ZNF608: variants seen among roughly 807,000 people sequenced by gnomAD.
ZNF608 encodes the protein renal carcinoma antigen NY-REN-36.
Under a neutral mutation model 109.0 loss-of-function variants are expected in ZNF608, and 12 were observed. That is an observed-to-expected ratio of 0.11 (90% CI 0.07 to 0.18). The LOEUF (loss-of-function observed/expected upper bound fraction) is 0.18, where lower values mean the gene tolerates loss of function less well. Among genes scored for constraint, ZNF608 ranks in the 10% least tolerant of loss-of-function variants. The pLI, the probability that ZNF608 is intolerant of heterozygous loss-of-function variation, is 1.00. For synonymous variants in ZNF608, 732 were observed against 717.4 expected (o/e 1.02, Z -0.33); for missense variants, 1,707 against 1,879.3 (o/e 0.91, Z 1.70).
intron 2 of ZNF608, among the ~76,000 whole-genome samples, chr5:124,731,669 T>C (rs982998167): frequency 6.6e-6 from 1 of 151,694 alleles, no homozygotes; most frequent in Admixed American, 6.6e-5. Context: ...CAACTAAAAA[T>C]ACAAAAATTA....
At chr5:124,736,819 G>T (rs909497184) in intron 2 of ZNF608, among the ~76,000 whole-genome samples, 1 of 152,186 alleles carries the variant, frequency 6.6e-6, no homozygotes, top group Admixed American at 6.5e-5. Flanking sequence ...GAACTTTGTC[G>T]TCTGTTGCTA....
At chr5:124,681,987 C>T (rs1251360356) in intron 3 of ZNF608, among the ~76,000 whole-genome samples, 1 of 152,196 alleles carries the variant, frequency 6.6e-6, no homozygotes, top group Non-Finnish European at 1.5e-5. Context: ...ATCAATCAAG[C>T]ATGAGGGTAG....
At position 124,744,417 on chromosome 5, in the gene ZNF608, C is replaced by T. The variant is rs1749557072; in HGVS notation, c.573G>A (p.Lys191=). 1 of 1,614,156 alleles carries T rather than the reference C, an allele frequency of 6.2e-7. No individual in the cohort carries two copies. Among genetic ancestry groups the T allele is most frequent in the Admixed American group, 1.7e-5 (1 of 60,014 alleles). The change falls in exon 2 of 10, where the codon AAG becomes AAA. Residue 191 remains lysine, a synonymous_variant. Transcript: ENST00000513986. This position sits in a 1 kb window ranked among gnomAD's most constrained non-coding sequence, Gnocchi z 4.5. ...CTCGGCTGCTCTGGCTTTTACCTGGCTTCTCCTCTTTGCTTTTCCCACAGG... is the reference window on the plus strand; with the variant it reads ...CTCGGCTGCTCTGGCTTTTACCTGGTTTCTCCTCTTTGCTTTTCCCACAGG... The part of the protein sequence containing the change: ...AGSCGKSKEE[K]PGKSQSSRGA...
chr5:124,680,889 A>G (rs533757266), intron 3 of ZNF608, among the ~76,000 whole-genome samples: 1 of 152,130 alleles, frequency 6.6e-6, no homozygotes, highest in East Asian at 1.9e-4. Context: ...TAAAAACTAC[A>G]TGAGGGAAAT....
intron 3 of ZNF608, among the ~76,000 whole-genome samples, chr5:124,683,233 A>G (rs953648551): frequency 6.6e-6 from 1 of 152,238 alleles, no homozygotes; most frequent in Non-Finnish European, 1.5e-5. Context: ...ACCTGCCTAC[A>G]GCCTGATTGA....
chr5:124,713,835 T>C (rs1490427516), intron 2 of ZNF608, among the ~76,000 whole-genome samples: 1 of 152,052 alleles, frequency 6.6e-6, no homozygotes, highest in African/African-American at 2.4e-5. Flanking sequence ...AAAAAGGAAG[T>C]AGGGAGTGGA....
upstream of ZNF608, chr5:124,746,780 G>A: frequency 3.0e-6 from 3 of 984,312 alleles, no homozygotes; most frequent in Non-Finnish European, 3.6e-6. Context: ...TTGATTTCTT[G>A]AACTAACTTA....
At position 124,646,877 on chromosome 5, in the gene ZNF608, T is replaced by C. The variant is rs951377277; in HGVS notation, c.3507A>G (p.Leu1169=). 8.1e-6 allele frequency: 13 copies of C among 1,614,224 alleles called. No individual in the cohort carries two copies. The highest frequency in any genetic ancestry group is 1.1e-5 in the Non-Finnish European group (13 of 1,180,034). The change falls in exon 5 of 10, where the codon CTA becomes CTG. Residue 1169 remains leucine (L), a synonymous_variant. Transcript: ENST00000513986. ...TPEPNKNHSK[L]GPSVPNKTEE... ...CAGTTTTATTAGGCACTGATGGCCC[T>C]AGTTTAGAATGGTTTTTGTTAGGCT...
chr5:124,712,194 C>T (rs1753520737), intron 2 of ZNF608, among the ~76,000 whole-genome samples: 1 of 151,988 alleles, frequency 6.6e-6, no homozygotes, highest in Admixed American at 6.6e-5. Context: ...AGACCTGGCA[C>T]CCGTGGTGGG....
At chr5:124,652,255 T>C (rs1750822412) in intron 3 of ZNF608, among the ~76,000 whole-genome samples, 1 of 152,220 alleles carries the variant, frequency 6.6e-6, no homozygotes, top group Middle Eastern at 3.2e-3. Context: ...CTTATCGAAG[T>C]ACAAGTGATG....
intron 2 of ZNF608, among the ~76,000 whole-genome samples, chr5:124,711,405 A>G (rs1753483427): frequency 6.6e-6 from 1 of 152,252 alleles, no homozygotes; most frequent in Non-Finnish European, 1.5e-5. Flanking sequence ...TAACTTTTTA[A>G]TGAAAAGATG....
rs1445307621 is a variant in ZNF608 at position 124,648,815 on chromosome 5, G to T, written c.1569C>A (p.Val523=). 1 of 1,614,200 alleles carries T rather than the reference G, an allele frequency of 6.2e-7. No homozygotes were observed. The highest frequency in any genetic ancestry group is 1.1e-5 in the South Asian group (1 of 91,082). Residue 523 remains valine, a synonymous_variant, in exon 5 of 10, where the codon GTC becomes GTA. Coordinates refer to ENST00000513986, the MANE Select transcript of ZNF608 (RefSeq NM_020747.3). ...SSEDNKPGKR[V]RTNSRSTPTT... Reference sequence around the variant, plus strand: ...TGGGAGTGCTTCTGGAATTTGTGCGGACACGCTTTCCAGGCTTATTGTCCT... The same window carrying T: ...TGGGAGTGCTTCTGGAATTTGTGCGTACACGCTTTCCAGGCTTATTGTCCT...
At chr5:124,716,103 A>G (rs1278469588) in intron 2 of ZNF608, among the ~76,000 whole-genome samples, 4 of 147,084 alleles carry the variant, frequency 2.7e-5, no homozygotes, top group Non-Finnish European at 4.5e-5. Flanking sequence ...AGATCGCGCC[A>G]CTGCACTCCA....
At chr5:124,717,014 G>T (rs976421384) in intron 2 of ZNF608, among the ~76,000 whole-genome samples, 1 of 152,188 alleles carries the variant, frequency 6.6e-6, no homozygotes, top group African/African-American at 2.4e-5. Context: ...CCTGGGAGAC[G>T]GAGGTTGCAG....
chr5:124,744,443 A>C lies in ZNF608; in HGVS notation c.547T>G (p.Ser183Ala). 1.9e-6 allele frequency: 3 copies of C among 1,614,166 alleles called. No individual in the cohort carries two copies. The highest frequency in any genetic ancestry group is 2.5e-6 in the Non-Finnish European group (3 of 1,180,034). ...TTCTCCTCTTTGCTTTTCCCACAGG[A>C]GCCTGCCCCCGCGGTGGCGGCAGAG... ...STSAATAGAG[S>A]CGKSKEEKPG... The change falls in exon 2 of 10, where the codon TCC (serine) becomes GCC (alanine). Residue 183 changes from serine (S) to alanine (A), a missense_variant. Physicochemically the swap from Ser to Ala is moderately conservative, Grantham distance 99. Coordinates refer to ENST00000513986, the MANE Select transcript of ZNF608 (RefSeq NM_020747.3). The surrounding 1 kb of genome is among the most constrained non-coding windows in gnomAD (Gnocchi z 4.5).
At chr5:124,654,343 G>A (rs1233012583) in intron 3 of ZNF608, among the ~76,000 whole-genome samples, 1 of 152,012 alleles carries the variant, frequency 6.6e-6, no homozygotes, top group Non-Finnish European at 1.5e-5. Flanking sequence ...TTACTCTCCA[G>A]CCTAGACAAG....
intron 9 of ZNF608, among the ~76,000 whole-genome samples, chr5:124,638,588 A>G (rs949529080): frequency 2.0e-5 from 3 of 152,188 alleles, no homozygotes; most frequent in African/African-American, 7.2e-5. Flanking sequence ...AAACCAGAAA[A>G]CCATAAGACC....
At chr5:124,664,924 C>A (rs758293082) in intron 3 of ZNF608, among the ~76,000 whole-genome samples, 7 of 152,048 alleles carry the variant, frequency 4.6e-5, no homozygotes, top group Non-Finnish European at 8.8e-5. Flanking sequence ...ACCTGTAATC[C>A]CAGCACTTTG....
At chr5:124,710,565 A>C (rs1753449678) in intron 2 of ZNF608, 1 of 200,474 alleles carries the variant, frequency 5.0e-6, no homozygotes, top group Non-Finnish European at 1.0e-5. Context: ...TGTACAGGAC[A>C]CTATCTTGGT....
Sources: allele counts gnomAD v4.1 joint callset (sites outside exome capture counted in the v4.1 genomes callset), GRCh38; gene constraint gnomAD v4.1.1; non-coding constraint Gnocchi (gnomAD v3.1); transcripts MANE v1.5; gene names NCBI Gene and HGNC (gene_info 2026-07-23, HGNC 2026-07-21).